CMSS1: variants seen among roughly 807,000 people sequenced by gnomAD.
CMSS1 encodes protein CMSS1.
A neutral mutation model predicts 43.5 loss-of-function variants in CMSS1; 33 were observed. The ratio of observed to expected loss-of-function variants is 0.76; its 90% CI spans 0.57 to 1.01. The LOEUF is 1.01. Ranked by LOEUF, CMSS1 falls within the 50% of genes least tolerant of loss-of-function variation. The pLI, the probability that CMSS1 is intolerant of heterozygous loss-of-function variation, is 0.00. For missense variants in CMSS1, 313 were observed against 326.4 expected (o/e 0.96, Z 0.32); for synonymous variants, 115 against 117.2 (o/e 0.98, Z 0.12).
chr3:100,178,272 T>G (rs1209266423), intron 9 of CMSS1, 33 bp from the exon 10 acceptor site: 1 of 1,431,942 alleles, frequency 7.0e-7, no homozygotes, highest in African/African-American at 1.4e-5. Context: ...GGCTTGATCT[T>G]AATCTTTTTT....
chr3:100,142,959 A>G (rs2066816937), intron 1 of CMSS1, among the ~76,000 whole-genome samples: 1 of 152,240 alleles, frequency 6.6e-6, no homozygotes, highest in African/African-American at 2.4e-5. Flanking sequence ...ATGCAACACC[A>G]GTACACATTG....
intron 1 of CMSS1, chr3:100,141,678 T>C: frequency 2.4e-6 from 1 of 408,572 alleles, no homozygotes; most frequent in Admixed American, 2.9e-5. Flanking sequence ...TATATTTTCA[T>C]TTGCTGTTGT....
intron 1 of CMSS1, among the ~76,000 whole-genome samples, chr3:99,988,566 A>G (rs2107123110): frequency 2.0e-5 from 3 of 151,744 alleles, no homozygotes; most frequent in Middle Eastern, 6.8e-3. Flanking sequence ...TCTGAAATAT[A>G]TCTTCAATTC....
rs75570006 is a variant in CMSS1, at chr3:99,879,362, A to G, written c.64+61319A>G. ...AGCTAATTGTCAGGAGGCCATGACA[A>G]TGACCACATTAACAGGTGTTATTAG... On this transcript the variant is annotated intron_variant, in intron 1 of 9. Coordinates refer to ENST00000421999, the MANE Select transcript of CMSS1 (RefSeq NM_032359.4). Among the ~76,000 whole-genome samples the G allele has an allele frequency of 2.8e-4, 42 of 152,362 alleles. No homozygotes were observed. In the East Asian group the frequency reaches 7.9e-3, roughly 29 times the overall value.
chr3:99,999,059 TA>T (rs2107158044), intron 1 of CMSS1, among the ~76,000 whole-genome samples: 1 of 152,354 alleles, frequency 6.6e-6, no homozygotes, highest in South Asian at 2.1e-4. Context: ...TAGGCACTTG[TA>T]CTATGTACCT....
intron 1 of CMSS1, among the ~76,000 whole-genome samples, chr3:99,993,318 C>T (rs745957788): frequency 2.0e-5 from 3 of 151,982 alleles, no homozygotes; most frequent in Non-Finnish European, 4.4e-5. Flanking sequence ...TCTACAACTT[C>T]TTTCAGTTTT....
chr3:100,051,543 T>G (rs1055700198), intron 1 of CMSS1, among the ~76,000 whole-genome samples: 3 of 134,508 alleles, frequency 2.2e-5, no homozygotes. Flanking sequence ...TGTGTGATGT[T>G]CCCCTTCCTA....
At chr3:100,145,812 C>A (rs185040732) in intron 1 of CMSS1, among the ~76,000 whole-genome samples, 2 of 152,368 alleles carry the variant, frequency 1.3e-5, no homozygotes, top group Non-Finnish European at 2.9e-5. Flanking sequence ...GGCCCACTCA[C>A]ATTATGGAAA....
At chr3:100,079,857 A>ATTT (rs2065904431) in intron 1 of CMSS1, among the ~76,000 whole-genome samples, 3 of 152,226 alleles carry the variant, frequency 2.0e-5, no homozygotes, top group Non-Finnish European at 4.4e-5. Context: ...TTATTTAAAA[A>ATTT]ATAACTAACA....
intron 1 of CMSS1, among the ~76,000 whole-genome samples, chr3:99,903,390 T>C (rs2107629691): frequency 6.6e-6 from 1 of 152,192 alleles, no homozygotes; most frequent in Non-Finnish European, 1.5e-5. Context: ...TAGCTGGGAT[T>C]ACAGGCGCCT....
rs1048917953 is a variant in CMSS1 at position 99,951,662 on chromosome 3, G to T, written c.64+133619G>T. Among the ~76,000 whole-genome samples, 48 of 152,168 alleles carry T rather than the reference G, an allele frequency of 3.2e-4. 1 individual carries two copies. The highest frequency in any genetic ancestry group is 4.4e-5 in the Non-Finnish European group (3 of 68,024). ...ACCACATATACACAGTCCCCACTAT[G>T]TTGGGCTTGGCCACCTTATGTCTCT... is the stretch of plus-strand genomic sequence containing the variant. On this transcript the variant is annotated intron_variant, in intron 1 of 9. Coordinates refer to ENST00000421999, the MANE Select transcript of CMSS1 (RefSeq NM_032359.4).
chr3:100,074,070 T>C (rs1024795450), intron 1 of CMSS1, among the ~76,000 whole-genome samples: 3 of 152,212 alleles, frequency 2.0e-5, no homozygotes, highest in Non-Finnish European at 4.4e-5. Flanking sequence ...GGGCCTTTTT[T>C]TTCCCTTCCC....
At chr3:99,983,389 A>AATAAATATATATATATATAT (rs1302972402) in intron 1 of CMSS1, among the ~76,000 whole-genome samples, 4 of 40,788 alleles carry the variant, frequency 9.8e-5, no homozygotes, top group African/African-American at 3.1e-4. Flanking sequence ...TAAATAAATA[A>AATAAATATATATATATATAT]ATATATATAT....
chr3:99,925,791 C>T (rs866657634), intron 1 of CMSS1: 3 of 924,148 alleles, frequency 3.2e-6, no homozygotes, highest in Middle Eastern at 1.1e-3. Flanking sequence ...AAGAACCAGG[C>T]AGTAAAGAAC....
intron 5 of CMSS1, 64 bp downstream of exon 5, chr3:100,166,458 T>G: frequency 8.9e-7 from 1 of 1,126,806 alleles, no homozygotes; most frequent in Non-Finnish European, 1.3e-6. Flanking sequence ...TTTGGGAATT[T>G]AGGTTTTGGT....
chr3:99,922,879 T>C (rs1194779442), intron 1 of CMSS1, among the ~76,000 whole-genome samples: 1 of 152,238 alleles, frequency 6.6e-6, no homozygotes, highest in East Asian at 1.9e-4. Context: ...TTTCTTATTT[T>C]GTTTTTTAAA....
At chr3:100,079,805 T>C (rs2065903599) in intron 1 of CMSS1, among the ~76,000 whole-genome samples, 1 of 150,590 alleles carries the variant, frequency 6.6e-6, no homozygotes, top group Non-Finnish European at 1.5e-5. Flanking sequence ...CTCATTACTC[T>C]CATGATAACC....
intron 1 of CMSS1, among the ~76,000 whole-genome samples, chr3:100,063,382 C>T (rs2065607231): frequency 6.6e-6 from 1 of 151,970 alleles, no homozygotes; most frequent in Non-Finnish European, 1.5e-5. Context: ...TACTATATAT[C>T]TGAATTATTG....
intron 1 of CMSS1, among the ~76,000 whole-genome samples, chr3:100,068,944 A>C (rs994239552): frequency 4.6e-5 from 7 of 152,204 alleles, no homozygotes; most frequent in African/African-American, 9.6e-5. Flanking sequence ...CTCGCCCAGC[A>C]GGTGGCACTG....
Sources: allele counts gnomAD v4.1 joint callset (sites outside exome capture counted in the v4.1 genomes callset), GRCh38; gene constraint gnomAD v4.1.1; transcripts MANE v1.5; gene names NCBI Gene and HGNC (gene_info 2026-07-23, HGNC 2026-07-21).